The following PIK3C3 variants were observed in gnomAD, a reference collection of about 807,000 sequenced individuals.
The protein encoded by PIK3C3 is PI3-kinase type 3.
In PIK3C3, 95 loss-of-function variants were observed where a neutral mutation model predicts 126.1. The observed-to-expected ratio is 0.75, with a 90% confidence interval of 0.64 to 0.89. The LOEUF (loss-of-function observed/expected upper bound fraction) is 0.89. Among genes scored for constraint, PIK3C3 ranks in the 40% least tolerant of loss-of-function variants. PIK3C3 has a pLI of 0.00. For synonymous variants in PIK3C3, 374 were observed against 360.0 expected, an observed-to-expected ratio of 1.04 and a Z score of -0.44; for missense variants, 829 against 1,063.2, an observed-to-expected ratio of 0.78 and a Z score of 3.06.
chr18:41,966,040 C>T (rs1048886250), intron 3 of PIK3C3, among the ~76,000 whole-genome samples: 18 of 152,016 alleles, frequency 1.2e-4, no homozygotes, highest in African/African-American at 3.6e-4. Context: ...ATCAGATGCC[C>T]GATATAAATG....
chr18:41,989,668 T>C (rs1981676131), intron 5 of PIK3C3, among the ~76,000 whole-genome samples: 1 of 152,160 alleles, frequency 6.6e-6, no homozygotes, highest in African/African-American at 2.4e-5. Context: ...AGCCTAGGGG[T>C]AATATGCTAC....
intron 23 of PIK3C3, among the ~76,000 whole-genome samples, chr18:42,066,706 T>C (rs1471548369): frequency 1.3e-5 from 2 of 152,200 alleles, no homozygotes; most frequent in Non-Finnish European, 2.9e-5. Context: ...TATATATATA[T>C]AAAATATACG....
chr18:42,028,333 T>G (rs898622144), intron 14 of PIK3C3, among the ~76,000 whole-genome samples: 1 of 152,228 alleles, frequency 6.6e-6, no homozygotes, highest in Admixed American at 6.5e-5. Flanking sequence ...AGATTCTTTT[T>G]ATATAATGTA....
At position 42,076,125 on chromosome 18, in the gene PIK3C3, C is replaced by CATATAT. The variant is rs1170833789; in HGVS notation, c.2650-4985_2650-4980dup. 1.5e-3 allele frequency among the ~76,000 whole-genome samples: 73 copies of CATATAT among 47,666 alleles called. 2 individuals carry two copies. The highest frequency in any genetic ancestry group is 0.01 in the African/African-American group (59 of 5,670). The allele number at this position is 47,666 out of a possible 152,430, so 31.3% of individuals were successfully genotyped here. On this transcript the variant is annotated intron_variant, in intron 24 of 24. Transcript: ENST00000262039. ...ATATATATATATATATATATATGCG[C>CATATAT]ATATATATATATATATATGCGCATA... is the stretch of plus-strand genomic sequence containing the variant.
intron 15 of PIK3C3, 57 bp from the exon 16 acceptor site, chr18:42,033,769 T>C: frequency 7.6e-7 from 1 of 1,319,476 alleles, no homozygotes; most frequent in Non-Finnish European, 1.0e-6. Flanking sequence ...CTTTACTATA[T>C]GTTTTATAAA....
chr18:42,075,716 ATATG>A (rs1251052125), intron 24 of PIK3C3, among the ~76,000 whole-genome samples: 1 of 149,420 alleles, frequency 6.7e-6, no homozygotes, highest in African/African-American at 2.4e-5. Flanking sequence ...ACATTTATAT[ATATG>A]TATTTTTATA....
Position 42,049,571 on chromosome 18 carries a change from C to A in PIK3C3, c.2229C>A (p.Asp743Glu). The change falls in exon 21 of 25, where the codon GAC (aspartate) becomes GAA (glutamate). Residue 743 changes from aspartate (D) to glutamate (E), a missense_variant. Around this residue, in one of 4 missense-constraint regions of PIK3C3, gnomAD observed 196 missense variants for 312.8 expected, o/e 0.63. Coordinates refer to ENST00000262039, the MANE Select transcript of PIK3C3 (RefSeq NM_002647.4). Reference protein sequence around the residue: ...CVITYILGVGDRHLDNLLLTK... With the variant: ...CVITYILGVGERHLDNLLLTK... ...TCACCTATATACTTGGAGTTGGAGA[C>A]AGGCACCTGGATAACCTTTTGCTAA... 6.2e-7 allele frequency: 1 copy of A among 1,613,712 alleles called. No homozygotes were observed. Among genetic ancestry groups the A allele is most frequent in the Non-Finnish European group, 8.5e-7 (1 of 1,179,652 alleles).
chr18:42,027,471 G>A lies in PIK3C3; in HGVS notation c.1513G>A (p.Asp505Asn). 1 of 1,607,744 alleles carries A rather than the reference G, an allele frequency of 6.2e-7. No individual in the cohort carries two copies. Among genetic ancestry groups the A allele is most frequent in the Middle Eastern group, 1.7e-4 (1 of 6,042 alleles). ...TGTGATAGTGGAATGTGAAGATCAA[G>A]ATACTCAGCAGAGAGATCCAAAGAC... is the stretch of plus-strand genomic sequence containing the variant. Reference protein sequence around the residue: ...WYVIVECEDQDTQQRDPKTHE... With the variant: ...WYVIVECEDQNTQQRDPKTHE... The change falls in exon 14 of 25, where the codon GAT becomes AAT. Residue 505 changes from aspartate (D) to asparagine (N), a missense_variant. Physicochemically the swap from Asp to Asn is conservative, Grantham distance 23 (BLOSUM62 1). Transcript: ENST00000262039.
chr18:42,063,604 T>C (rs1297773583), intron 22 of PIK3C3, among the ~76,000 whole-genome samples: 2 of 152,172 alleles, frequency 1.3e-5, no homozygotes, highest in African/African-American at 4.8e-5. Context: ...TTATTGGCAA[T>C]ATAAAATTCA....
chr18:41,966,571 C>T (rs902004511), intron 3 of PIK3C3, among the ~76,000 whole-genome samples: 1 of 152,014 alleles, frequency 6.6e-6, no homozygotes, highest in Non-Finnish European at 1.5e-5. Context: ...ACATGGAAAA[C>T]AAGTATTATT....
chr18:41,989,750 GA>G (rs1295889697), intron 5 of PIK3C3, among the ~76,000 whole-genome samples: 1 of 152,086 alleles, frequency 6.6e-6, no homozygotes. Context: ...ATGTTTACAC[GA>G]CTAAATTGCT....
rs931935857 is a variant in PIK3C3, at chr18:41,955,399, C to T, written c.68+40C>T. 2.6e-6 allele frequency: 4 copies of T among 1,548,070 alleles called. No homozygotes were observed. The Admixed American group carries it at 5.1e-5, about 20-fold the overall frequency. On this transcript the variant is annotated intron_variant, in intron 1 of 24. Coordinates refer to ENST00000262039, the MANE Select transcript of PIK3C3 (RefSeq NM_002647.4). ...GGGACAGGGAGTGGGATTGCTGGGGCGTAGGGACGTGGGGGCAGGGGCCTG... is the reference window on the plus strand; with the variant it reads ...GGGACAGGGAGTGGGATTGCTGGGGTGTAGGGACGTGGGGGCAGGGGCCTG...
intron 24 of PIK3C3, among the ~76,000 whole-genome samples, chr18:42,077,498 C>T (rs1188455414): frequency 6.6e-6 from 1 of 152,220 alleles, no homozygotes; most frequent in African/African-American, 2.4e-5. Context: ...AAAGCATCTT[C>T]ACCATGAATT....
At chr18:42,024,546 C>T (rs1189504771) in intron 13 of PIK3C3, among the ~76,000 whole-genome samples, 31 of 152,032 alleles carry the variant, frequency 2.0e-4, no homozygotes, top group African/African-American at 9.6e-5. Flanking sequence ...ATCAATTCTC[C>T]TGCCTCAGCC....
chr18:41,960,438 G>A (rs1172633234), intron 2 of PIK3C3, among the ~76,000 whole-genome samples: 1 of 152,174 alleles, frequency 6.6e-6, no homozygotes, highest in Non-Finnish European at 1.5e-5. Context: ...TACAAAGTTA[G>A]GATTCAGAAG....
chr18:41,988,208 C>T (rs79762567), intron 5 of PIK3C3, among the ~76,000 whole-genome samples: 1,543 of 152,222 alleles, frequency 0.01, 15 homozygotes, highest in Non-Finnish European at 0.016. Flanking sequence ...TTCAAGTCAG[C>T]GTTGGATAAA....
At chr18:42,023,458 T>C (rs147960600) in intron 13 of PIK3C3, among the ~76,000 whole-genome samples, 2 of 152,392 alleles carry the variant, frequency 1.3e-5, no homozygotes, top group Non-Finnish European at 2.9e-5. Flanking sequence ...CCCAGTCTTA[T>C]AAACATTCAA....
chr18:42,054,378 T>C (rs920398159), intron 21 of PIK3C3, among the ~76,000 whole-genome samples: 8 of 150,828 alleles, frequency 5.3e-5, no homozygotes, highest in East Asian at 4.0e-4. Flanking sequence ...AAGTCTCTCT[T>C]TTCACATTTT....
Position 42,038,853 on chromosome 18 carries a change from A to G in PIK3C3, c.2038+3A>G. On this transcript the variant is annotated splice_donor_region_variant and intron_variant, in intron 18 of 24. Coordinates refer to ENST00000262039, the MANE Select transcript of PIK3C3 (RefSeq NM_002647.4). ...GTTAGCCACCAGTACAAAACATGGTAAGTGTATTTTACATCATTATTATTT... is the reference window on the plus strand; with the variant it reads ...GTTAGCCACCAGTACAAAACATGGTGAGTGTATTTTACATCATTATTATTT... 1 of 1,560,228 alleles carries G rather than the reference A, an allele frequency of 6.4e-7. No homozygotes were observed. Among genetic ancestry groups the G allele is most frequent in the Non-Finnish European group, 8.8e-7 (1 of 1,135,278 alleles).
Sources: allele counts gnomAD v4.1 joint callset (sites outside exome capture counted in the v4.1 genomes callset), GRCh38; gene constraint gnomAD v4.1.1; regional missense constraint gnomAD v4.1.1; transcripts MANE v1.5; gene names NCBI Gene and HGNC (gene_info 2026-07-23, HGNC 2026-07-21).